Variants in CHST9 observed in about 807,000 individuals in gnomAD.
CHST9 encodes the protein GalNAc-4-sulfotransferase 2.
CHST9 carries 41 observed loss-of-function variants against 44.4 expected under a neutral mutation model. The observed-to-expected ratio is 0.92, with a 90% CI of 0.72 to 1.20. CHST9 has a LOEUF of 1.20. Among genes scored for constraint, CHST9 ranks in the 50% most tolerant of loss-of-function variants. The pLI is 0.00. For synonymous variants in CHST9, 171 were observed against 178.4 expected (o/e 0.96, Z 0.33); for missense variants, 504 against 516.5 (o/e 0.98, Z 0.23).
chr18:26,909,268 G>A lies in CHST9; in HGVS notation c.*6991C>T, dbSNP rs917289827. Reference sequence around the variant, plus strand: ...TTTCAACACAGTGACAGAATGAAAAGAGCAGGTTGTATTATCATTTATAAT... The same window carrying A: ...TTTCAACACAGTGACAGAATGAAAAAAGCAGGTTGTATTATCATTTATAAT... On this transcript the variant is annotated 3_prime_UTR_variant, in exon 6 of 6. Transcript: ENST00000618847. The A allele has an allele frequency of 2.0e-5, 3 of 152,216 alleles. No homozygotes were observed. Among genetic ancestry groups the A allele is most frequent in the Admixed American group, 2.0e-4 (3 of 15,278 alleles). 9.4% of individuals were successfully genotyped at this position (152,216 alleles called of 1,614,324 possible).
intron 1 of CHST9, 174 bp from the exon 2 acceptor site, chr18:27,143,079 T>A (rs1475868488): frequency 4.3e-6 from 1 of 232,694 alleles, no homozygotes. Flanking sequence ...TATTGCATAC[T>A]TTTATCTTAT....
intron 1 of CHST9, among the ~76,000 whole-genome samples, chr18:27,168,242 T>C (rs1467673421): frequency 1.3e-5 from 2 of 151,972 alleles, no homozygotes; most frequent in Non-Finnish European, 2.9e-5. Flanking sequence ...GCCCGGCTAA[T>C]TTTTTGTATT....
chr18:27,141,591 C>CAAAAAAAAAAAAAAAAAAA (rs34920055), intron 2 of CHST9, among the ~76,000 whole-genome samples: 7 of 50,098 alleles, frequency 1.4e-4, no homozygotes, highest in African/African-American at 6.2e-4. Flanking sequence ...AATCCCGACT[C>CAAAAAAAAAAAAAAAAAAA]AAAAAAAAAA....
At chr18:27,158,152 G>A (rs1291908793) in intron 1 of CHST9, among the ~76,000 whole-genome samples, 1 of 151,934 alleles carries the variant, frequency 6.6e-6, no homozygotes, top group African/African-American at 2.4e-5. Flanking sequence ...TATGCACAAC[G>A]TGCAGGTTAG....
chr18:27,143,486 TCAGATTA>T (rs1292009699), intron 1 of CHST9, among the ~76,000 whole-genome samples: 1 of 152,116 alleles, frequency 6.6e-6, no homozygotes, highest in Non-Finnish European at 1.5e-5. Flanking sequence ...GAAATCTACC[TCAGATTA>T]CAGAAATCTA....
intron 4 of CHST9, among the ~76,000 whole-genome samples, chr18:26,968,664 C>G (rs573212898): frequency 4.2e-4 from 64 of 152,278 alleles, no homozygotes; most frequent in Non-Finnish European, 7.6e-4. Context: ...ATGGTGCATG[C>G]ATTTCATACC....
intron 2 of CHST9, among the ~76,000 whole-genome samples, chr18:27,068,751 G>A (rs1453279283): frequency 6.6e-6 from 1 of 152,186 alleles, no homozygotes; most frequent in Non-Finnish European, 1.5e-5. Flanking sequence ...TTACTTGCTA[G>A]TGCTGCATCT....
At chr18:27,115,681 T>C (rs910631731) in intron 2 of CHST9, among the ~76,000 whole-genome samples, 1 of 152,136 alleles carries the variant, frequency 6.6e-6, no homozygotes, top group African/African-American at 2.4e-5. Context: ...ACTTGGCTTT[T>C]TAATATTTTT....
At chr18:27,030,812 C>A (rs1449093550) in intron 3 of CHST9, among the ~76,000 whole-genome samples, 1 of 152,186 alleles carries the variant, frequency 6.6e-6, no homozygotes, top group African/African-American at 2.4e-5. Flanking sequence ...GATTCTTCAG[C>A]GATCTCATGG....
At chr18:27,155,496 AT>A (rs1567941523) in intron 1 of CHST9, among the ~76,000 whole-genome samples, 1 of 152,188 alleles carries the variant, frequency 6.6e-6, no homozygotes, top group South Asian at 2.1e-4. Flanking sequence ...TTAATACCTG[AT>A]CTTCATTAGA....
At chr18:27,001,119 G>A (rs1309558863) in intron 4 of CHST9, among the ~76,000 whole-genome samples, 1 of 152,140 alleles carries the variant, frequency 6.6e-6, no homozygotes, top group African/African-American at 2.4e-5. Flanking sequence ...AAACTTTACA[G>A]GGAGAGTAGA....
chr18:26,920,596 TAGA>T (rs2055631776), intron 5 of CHST9, among the ~76,000 whole-genome samples: 1 of 152,224 alleles, frequency 6.6e-6, no homozygotes, highest in Admixed American at 6.5e-5. Context: ...GCCTGGCGCA[TAGA>T]AGATGTTAAG....
intron 1 of CHST9, among the ~76,000 whole-genome samples, chr18:27,150,597 T>C (rs1598759977): frequency 6.6e-6 from 1 of 152,216 alleles, no homozygotes; most frequent in South Asian, 2.1e-4. Flanking sequence ...CTGTTCTTGA[T>C]TTTGAGTCCT....
chr18:27,025,659 A>G (rs541137349), intron 3 of CHST9, among the ~76,000 whole-genome samples: 1 of 152,242 alleles, frequency 6.6e-6, no homozygotes, highest in African/African-American at 2.4e-5. Flanking sequence ...TATGAGTCAT[A>G]TAGCTCATCA....
chr18:26,954,185 C>T (rs1170674728), intron 4 of CHST9, among the ~76,000 whole-genome samples: 1 of 152,106 alleles, frequency 6.6e-6, no homozygotes, highest in Non-Finnish European at 1.5e-5. Flanking sequence ...GGGGCCCTGT[C>T]CTTACCTCTC....
intron 2 of CHST9, among the ~76,000 whole-genome samples, chr18:27,099,772 G>A (rs1233316841): frequency 3.9e-5 from 6 of 152,118 alleles, no homozygotes; most frequent in African/African-American, 7.2e-5. Flanking sequence ...ATACACTGTC[G>A]GTGGGAAGGT....
intron 2 of CHST9, among the ~76,000 whole-genome samples, chr18:27,071,620 T>C (rs964825702): frequency 6.6e-6 from 1 of 152,208 alleles, no homozygotes; most frequent in Non-Finnish European, 1.5e-5. Context: ...TATTAGACTT[T>C]TTTTCTCAAT....
intron 3 of CHST9, among the ~76,000 whole-genome samples, chr18:27,039,740 C>G (rs564576101): frequency 6.6e-6 from 1 of 151,900 alleles, no homozygotes; most frequent in Admixed American, 6.6e-5. Context: ...CCTATTGCTG[C>G]AGAAAGATAT....
chr18:27,098,393 G>C (rs2058138502), intron 2 of CHST9, among the ~76,000 whole-genome samples: 1 of 152,096 alleles, frequency 6.6e-6, no homozygotes, highest in South Asian at 2.1e-4. Context: ...AGATGGCGTG[G>C]TGATTCCTCA....
Sources: allele counts gnomAD v4.1 joint callset (sites outside exome capture counted in the v4.1 genomes callset), GRCh38; gene constraint gnomAD v4.1.1; transcripts MANE v1.5; gene names NCBI Gene and HGNC (gene_info 2026-07-23, HGNC 2026-07-21).